UBR4: variants seen among roughly 807,000 people sequenced by gnomAD.
The protein encoded by UBR4 is ubiquitin protein ligase E3 component n-recognin 4.
UBR4 carries 124 observed loss-of-function variants against 575.6 expected under a neutral mutation model. That is an observed-to-expected ratio of 0.22 (90% confidence interval 0.19 to 0.25). UBR4 has a LOEUF of 0.25. Ranked by LOEUF, UBR4 falls within the 10% of genes least tolerant of loss-of-function variation. UBR4 has a pLI of 1.00. For missense variants in UBR4, 4,818 were observed against 6,478.8 expected (o/e 0.74, Z 8.80); for synonymous variants, 2,455 against 2,473.7 (o/e 0.99, Z 0.22).
In UBR4 at chr1:19,144,060, G is replaced by A; in HGVS notation, c.8099C>T (p.Ala2700Val). The part of the protein sequence containing the change: ...DPAVSFSCKQ[A>V]LIRVLRPRNK... ...CCTGGGCCTTAGGACTCGAATTAGAGCTTGTTTACAAGAGAAGCTCACAGC... is the reference window on the plus strand; with the variant it reads ...CCTGGGCCTTAGGACTCGAATTAGAACTTGTTTACAAGAGAAGCTCACAGC... Residue 2700 changes from alanine (A) to valine (V), a missense_variant, in exon 55 of 106, where the codon GCT (alanine) becomes GTT (valine). Ala to Val is a moderately conservative substitution (Grantham distance 64). Transcript: ENST00000375254. 6.2e-7 allele frequency: 1 copy of A among 1,613,994 alleles called. No individual in the cohort carries two copies. The highest frequency in any genetic ancestry group is 8.5e-7 in the Non-Finnish European group (1 of 1,179,906).
intron 21 of UBR4, 68 bp from the exon 22 acceptor site, chr1:19,174,515 T>C: frequency 6.4e-7 from 1 of 1,554,408 alleles, no homozygotes; most frequent in Non-Finnish European, 8.7e-7. Flanking sequence ...GCCTATACAC[T>C]ATCACTTATC....
chr1:19,193,774 C>A (rs1432857723), intron 8 of UBR4, among the ~76,000 whole-genome samples: 1 of 152,122 alleles, frequency 6.6e-6, no homozygotes, highest in Admixed American at 6.5e-5. Flanking sequence ...CGCGCGCACA[C>A]ACACACACAC....
chr1:19,074,941 GC>G (rs755053242), intron 105 of UBR4, 45 bp from the exon 106 acceptor site: 8 of 1,601,326 alleles, frequency 5.0e-6, no homozygotes, highest in Non-Finnish European at 6.8e-6. Context: ...CAGGCATACA[GC>G]CCCCATTCCC....
intron 14 of UBR4, among the ~76,000 whole-genome samples, chr1:19,185,756 G>A (rs1370497402): frequency 6.6e-6 from 1 of 151,864 alleles, no homozygotes; most frequent in Non-Finnish European, 1.5e-5. Context: ...ATTTTTAGTA[G>A]AGATGGGGTT....
In UBR4 at chr1:19,127,658, G is replaced by T; in HGVS notation, c.9193C>A (p.Arg3065Ser). ...GAAGACTTGGATCCAGATTTGGTGC[G>T]GGACATGAAGACACTCAGGAGTCTC... The part of the protein sequence containing the change: ...VMRLLSVFMS[R>S]TKSGSKSSIC... The change falls in exon 63 of 106, where the codon CGC becomes AGC. Residue 3065 changes from arginine (R) to serine (S), a missense_variant. Physicochemically the swap from Arg to Ser is moderately radical, Grantham distance 110 (BLOSUM62 -1). Coordinates refer to ENST00000375254, the MANE Select transcript of UBR4 (RefSeq NM_020765.3). The T allele has an allele frequency of 6.2e-7, 1 of 1,614,062 alleles. No individual in the cohort carries two copies. Among genetic ancestry groups the T allele is most frequent in the South Asian group, 1.1e-5 (1 of 91,080 alleles).
At chr1:19,081,757 C>T (rs1422468447) in intron 102 of UBR4, 184 bp from the exon 103 acceptor site, 2 of 748,134 alleles carry the variant, frequency 2.7e-6, no homozygotes, top group Non-Finnish European at 4.9e-6. Context: ...CGCCCTTCGT[C>T]CCCTTCCAGG....
Position 19,105,053 on chromosome 1 carries a change from T to A in UBR4, c.12640A>T (p.Thr4214Ser). The A allele has an allele frequency of 6.2e-7, 1 of 1,613,728 alleles. No homozygotes were observed. The highest frequency in any genetic ancestry group is 8.5e-7 in the Non-Finnish European group (1 of 1,179,816). ...GVLPYVGNLI[T>S]KEIARLLALE... ...TGGGCAATAGGGTAGGATACCTTGG[T>A]GATGAGGTTGCCCACATAGGGTAGG... is the stretch of plus-strand genomic sequence containing the variant. The change falls in exon 85 of 106, where the codon ACC becomes TCC. Residue 4214 changes from threonine to serine, a missense_variant. Around this residue, in one of 29 missense-constraint regions of UBR4, gnomAD observed 178 missense variants for 175.5 expected, o/e 1.01. Transcript: ENST00000375254.
At position 19,198,544 on chromosome 1, in the gene UBR4, A is replaced by G. The variant is rs2092590714; in HGVS notation, c.645T>C (p.Thr215=). ...TVASQPISTQ[T]LVEGENDEQS... ...ACATTTGACTAAAGAAACTCACCAGAGTCTGTGTACTGATAGGTTGTGATG... is the reference window on the plus strand; with the variant it reads ...ACATTTGACTAAAGAAACTCACCAGGGTCTGTGTACTGATAGGTTGTGATG... Residue 215 remains threonine, a synonymous_variant, in exon 5 of 106, where the codon ACT becomes ACC. Transcript: ENST00000375254. 6.2e-7 allele frequency: 1 copy of G among 1,611,862 alleles called. No homozygotes were observed. Among genetic ancestry groups the G allele is most frequent in the Non-Finnish European group, 8.5e-7 (1 of 1,178,528 alleles).
intron 11 of UBR4, among the ~76,000 whole-genome samples, chr1:19,189,968 G>A (rs917736251): frequency 2.0e-5 from 3 of 151,946 alleles, no homozygotes; most frequent in Non-Finnish European, 4.4e-5. Context: ...CAGGTCAAAT[G>A]CCCCTGTTCT....
intron 73 of UBR4, 120 bp from the exon 74 acceptor site, chr1:19,115,757 G>A: frequency 6.9e-7 from 1 of 1,454,062 alleles, no homozygotes; most frequent in South Asian, 1.4e-5. Flanking sequence ...GTTACTCTAA[G>A]GAAAAGAAAT....
At chr1:19,141,606 G>A (rs1435061631) in intron 56 of UBR4, 41 bp downstream of exon 56, 2 of 1,609,488 alleles carry the variant, frequency 1.2e-6, no homozygotes, top group East Asian at 4.5e-5. Context: ...GAGGAGAGTT[G>A]TGAAGCTCCT....
intron 33 of UBR4, 151 bp downstream of exon 33, chr1:19,164,102 G>A: frequency 1.2e-6 from 1 of 863,374 alleles, no homozygotes; most frequent in South Asian, 1.9e-5. Context: ...AGTCTAAAGT[G>A]AACAGAGCTA....
Position 19,095,562 on chromosome 1 carries a change from G to C in UBR4, c.13609C>G (p.Leu4537Val). The change falls in exon 93 of 106, where the codon CTG becomes GTG. Residue 4537 changes from leucine (L) to valine (V), a missense_variant. Physicochemically the swap from Leu to Val is conservative, Grantham distance 32 (BLOSUM62 1). This residue lies in a region of UBR4 where 165 missense variants were observed against 282.3 expected (regional missense o/e 0.58). Transcript: ENST00000375254. ...CTCCTTACCAGGTTTAGGGTCCCCA[G>C]CATGACGTTCAAGGTGTTCATTTCC... The part of the protein sequence containing the change: ...KLEMNTLNVM[L>V]GTLNLALVAE... The C allele has an allele frequency of 6.2e-7, 1 of 1,613,960 alleles. No homozygotes were observed. Among genetic ancestry groups the C allele is most frequent in the South Asian group, 1.1e-5 (1 of 91,058 alleles).
chr1:19,197,292 G>T (rs771334724), intron 7 of UBR4, 27 bp from the exon 8 acceptor site: 2 of 1,613,762 alleles, frequency 1.2e-6, no homozygotes, highest in Non-Finnish European at 1.7e-6. Flanking sequence ...ATCAACAAGT[G>T]TCTCTTAGAA....
chr1:19,140,421 T>G (rs2083737984), intron 58 of UBR4, among the ~76,000 whole-genome samples: 1 of 152,100 alleles, frequency 6.6e-6, no homozygotes, highest in Non-Finnish European at 1.5e-5. Context: ...ATAAAAAAGG[T>G]AAAAGGTATG....
chr1:19,094,585 T>G (rs1289029059), intron 94 of UBR4, among the ~76,000 whole-genome samples: 1 of 152,114 alleles, frequency 6.6e-6, no homozygotes, highest in Non-Finnish European at 1.5e-5. Context: ...TCCAGGGAAA[T>G]GAAGTGGGCT....
At chr1:19,098,779 T>C (rs1441418308) in intron 90 of UBR4, among the ~76,000 whole-genome samples, 1 of 152,176 alleles carries the variant, frequency 6.6e-6, no homozygotes, top group Non-Finnish European at 1.5e-5. Context: ...GCCAATTTAG[T>C]TTCTCAAACT....
chr1:19,075,168 A>G, intron 105 of UBR4: 1 of 482,166 alleles, frequency 2.1e-6, no homozygotes, highest in Non-Finnish European at 3.8e-6. Context: ...ATTTTCTAAC[A>G]GCTTAAACAA....
At chr1:19,199,905 G>A in intron 2 of UBR4, 151 bp from the exon 3 acceptor site, 1 of 661,912 alleles carries the variant, frequency 1.5e-6, no homozygotes, top group Non-Finnish European at 2.6e-6. Context: ...AAGGCATTTT[G>A]ACATCAATAA....
Sources: allele counts gnomAD v4.1 joint callset (sites outside exome capture counted in the v4.1 genomes callset), GRCh38; gene constraint gnomAD v4.1.1; regional missense constraint gnomAD v4.1.1; transcripts MANE v1.5; gene names NCBI Gene and HGNC (gene_info 2026-07-23, HGNC 2026-07-21).